CDH4: variants seen among roughly 807,000 people sequenced by gnomAD.
The protein encoded by CDH4 is cadherin 4, also known as cadherin-4.
In CDH4, 33 loss-of-function variants were observed where a neutral mutation model predicts 86.0. The observed-to-expected ratio is 0.38, with a 90% CI of 0.29 to 0.51. The LOEUF (loss-of-function observed/expected upper bound fraction) is 0.51. CDH4 is among the 20% of genes least tolerant of loss of function. The pLI, the probability that CDH4 is intolerant of heterozygous loss-of-function variation, is 0.86. For synonymous variants in CDH4, 555 were observed against 549.4 expected (o/e 1.01, Z -0.14); for missense variants, 1,114 against 1,307.4 (o/e 0.85, Z 2.28).
intron 2 of CDH4, among the ~76,000 whole-genome samples, chr20:61,312,964 C>T (rs546067643): frequency 6.6e-6 from 1 of 152,180 alleles, no homozygotes; most frequent in African/African-American, 2.4e-5. Flanking sequence ...TTTCCTACCC[C>T]CTCACTGCCT....
At chr20:61,652,218 A>G (rs569047277) in intron 2 of CDH4, among the ~76,000 whole-genome samples, 4 of 152,292 alleles carry the variant, frequency 2.6e-5, no homozygotes, top group African/African-American at 7.2e-5. Flanking sequence ...TAAAAATCCT[A>G]CAGAACCCCA....
chr20:61,337,281 T>TGGTG, intron 2 of CDH4, among the ~76,000 whole-genome samples: 1 of 17,086 alleles, frequency 5.9e-5, no homozygotes, highest in Non-Finnish European at 1.5e-4. Flanking sequence ...GGTGATATGA[T>TGGTG]AATAACACTA....
intron 2 of CDH4, among the ~76,000 whole-genome samples, chr20:61,633,385 T>TCATC (rs989993519): frequency 6.7e-6 from 1 of 149,628 alleles, no homozygotes; most frequent in East Asian, 2.0e-4. Flanking sequence ...ATTCATCTAT[T>TCATC]CATCCATCCA....
At chr20:61,384,016 C>G (rs2084937322) in intron 2 of CDH4, among the ~76,000 whole-genome samples, 5 of 151,892 alleles carry the variant, frequency 3.3e-5, no homozygotes, top group Admixed American at 3.3e-4. Context: ...TGTTTGAGAG[C>G]AGGAAGCATT....
At chr20:61,675,407 C>A (rs2087435492) in intron 2 of CDH4, among the ~76,000 whole-genome samples, 1 of 33,584 alleles carries the variant, frequency 3.0e-5, no homozygotes, top group South Asian at 2.4e-3. Context: ...AAACAACCAT[C>A]GTAGGGGCTG....
At chr20:61,637,962 C>T (rs927350720) in intron 2 of CDH4, among the ~76,000 whole-genome samples, 12 of 150,078 alleles carry the variant, frequency 8.0e-5, no homozygotes, top group East Asian at 2.0e-4. Flanking sequence ...AACCAGGAGG[C>T]GGAGGCTGCA....
chr20:61,823,417 ATAGTGATGATGGTGG>A (rs2146070444), intron 4 of CDH4, among the ~76,000 whole-genome samples: 1 of 148,404 alleles, frequency 6.7e-6, no homozygotes, highest in South Asian at 2.2e-4. Context: ...GATGAAGGTG[ATAGTGATGATGGTGG>A]TAGAGGAAGA....
In CDH4 at chr20:61,355,336, G is replaced by A. The variant is rs1055388823; in HGVS notation, c.169+100399G>A. Among the ~76,000 whole-genome samples, 3 of 152,136 alleles carry A rather than the reference G, an allele frequency of 2.0e-5. No homozygotes were observed. In the East Asian group the frequency reaches 5.8e-4, roughly 29 times the overall value. On this transcript the variant is annotated intron_variant, in intron 2 of 15. Coordinates refer to ENST00000614565, the MANE Select transcript of CDH4 (RefSeq NM_001794.5). Reference sequence around the variant, plus strand: ...CAAAACTGTGGACTTAGAGGAAAATGAGCACGTGGCCAGTCATCCATGGGG... The same window carrying A: ...CAAAACTGTGGACTTAGAGGAAAATAAGCACGTGGCCAGTCATCCATGGGG...
At chr20:61,597,682 G>A (rs1239822726) in intron 2 of CDH4, among the ~76,000 whole-genome samples, 1 of 152,210 alleles carries the variant, frequency 6.6e-6, no homozygotes, top group Non-Finnish European at 1.5e-5. Context: ...TGGGTGGGTG[G>A]GAGGCAGGGG....
intron 2 of CDH4, among the ~76,000 whole-genome samples, chr20:61,531,775 C>G (rs58475007): frequency 2.0e-5 from 3 of 152,168 alleles, no homozygotes; most frequent in Non-Finnish European, 4.4e-5. Context: ...ATCAGCCTGA[C>G]GCACAGGCCT....
intron 8 of CDH4, among the ~76,000 whole-genome samples, chr20:61,895,251 G>A (rs1169051240): frequency 1.3e-5 from 2 of 152,266 alleles, no homozygotes; most frequent in African/African-American, 4.8e-5. Context: ...CCGGGGCTCA[G>A]TCAGGGAGGG....
chr20:61,594,818 T>C (rs2086543725), intron 2 of CDH4, among the ~76,000 whole-genome samples: 1 of 152,212 alleles, frequency 6.6e-6, no homozygotes, highest in African/African-American at 2.4e-5. Flanking sequence ...CCACAGACAC[T>C]GTTGGCTTTT....
intron 2 of CDH4, among the ~76,000 whole-genome samples, chr20:61,503,154 G>A (rs949968455): frequency 6.6e-6 from 1 of 152,212 alleles, no homozygotes; most frequent in African/African-American, 2.4e-5. Context: ...AAATGTCCTG[G>A]GGTGTTTGTG....
At chr20:61,401,463 T>C (rs530183782) in intron 2 of CDH4, among the ~76,000 whole-genome samples, 70 of 152,352 alleles carry the variant, frequency 4.6e-4, no homozygotes, top group African/African-American at 1.7e-3. Flanking sequence ...GAATGTTGTG[T>C]GGCATCTTTT....
At chr20:61,332,909 C>T (rs1229888131) in intron 2 of CDH4, among the ~76,000 whole-genome samples, 3 of 152,232 alleles carry the variant, frequency 2.0e-5, no homozygotes, top group African/African-American at 2.4e-5. Flanking sequence ...TCAGCCCCTG[C>T]GGAGGCTGAC....
rs2088371693 is a variant in CDH4 at position 61,743,658 on chromosome 20, C to T, written c.265C>T (p.Arg89Trp). 7 of 1,599,108 alleles carry T rather than the reference C, an allele frequency of 4.4e-6. No homozygotes were observed. The highest frequency in any genetic ancestry group is 1.3e-5 in the African/African-American group (1 of 74,742). Residue 89 changes from arginine to tryptophan, a missense_variant, in exon 3 of 16, where the codon CGG (arginine) becomes TGG (tryptophan). Physicochemically the swap from Arg to Trp is moderately radical, Grantham distance 101. This residue lies in a region of CDH4 where 221 missense variants were observed against 209.5 expected (regional missense o/e 1.05). Transcript: ENST00000614565. ...VGADGTVFAT[R>W]ELQVPSEQVA... ...GGCAGATGGGACAGTCTTCGCCACC[C>T]GGGAGCTGCAGGTCCCCTCCGAGCA...
chr20:61,468,501 A>G (rs1424782190), intron 2 of CDH4, among the ~76,000 whole-genome samples: 3 of 152,242 alleles, frequency 2.0e-5, no homozygotes, highest in African/African-American at 7.2e-5. Context: ...AGTCACAGGT[A>G]AATAAGGTAT....
At chr20:61,399,927 A>G (rs993283923) in intron 2 of CDH4, among the ~76,000 whole-genome samples, 7 of 152,192 alleles carry the variant, frequency 4.6e-5, no homozygotes, top group South Asian at 2.1e-4. Flanking sequence ...GCTCTAGGCA[A>G]CCAACCCCCT....
At chr20:61,600,110 G>A (rs2086588290) in intron 2 of CDH4, 1 of 259,846 alleles carries the variant, frequency 3.8e-6, no homozygotes, top group South Asian at 1.5e-4. Flanking sequence ...CTCCTCGGAT[G>A]CTGCTGAGAA....
Sources: allele counts gnomAD v4.1 joint callset (sites outside exome capture counted in the v4.1 genomes callset), GRCh38; gene constraint gnomAD v4.1.1; regional missense constraint gnomAD v4.1.1; transcripts MANE v1.5; gene names NCBI Gene and HGNC (gene_info 2026-07-23, HGNC 2026-07-21).